TMEM117: variants seen among roughly 807,000 people sequenced by gnomAD.
TMEM117 encodes the protein transmembrane protein 117.
Under a neutral mutation model 52.4 loss-of-function variants are expected in TMEM117, and 27 were observed. That is an observed-to-expected ratio of 0.51 (90% CI 0.38 to 0.71). The LOEUF is 0.71. Ranked by LOEUF, TMEM117 falls within the 30% of genes least tolerant of loss-of-function variation. The pLI is 0.00. For synonymous variants in TMEM117, 215 were observed against 206.3 expected (o/e 1.04, Z -0.36); for missense variants, 556 against 630.5 (o/e 0.88, Z 1.26).
chr12:44,144,135 A>C (rs1221432652), intron 4 of TMEM117, among the ~76,000 whole-genome samples: 1 of 152,190 alleles, frequency 6.6e-6, no homozygotes, highest in Non-Finnish European at 1.5e-5. Flanking sequence ...ATGGTAACTG[A>C]GTTCTGAGTA....
chr12:44,268,208 G>A (rs981574586), intron 5 of TMEM117, among the ~76,000 whole-genome samples: 1 of 151,806 alleles, frequency 6.6e-6, no homozygotes, highest in Non-Finnish European at 1.5e-5. Context: ...CGTGATCTCG[G>A]CTCACTGCAA....
chr12:44,119,034 T>G (rs1349523003), intron 3 of TMEM117, among the ~76,000 whole-genome samples: 2 of 152,228 alleles, frequency 1.3e-5, no homozygotes, highest in Non-Finnish European at 2.9e-5. Context: ...CTGTTAATTT[T>G]TTTTCAGAAG....
intron 3 of TMEM117, among the ~76,000 whole-genome samples, chr12:43,961,569 A>G (rs973937181): frequency 8.5e-5 from 13 of 152,214 alleles, no homozygotes; most frequent in African/African-American, 3.1e-4. Context: ...TTGATTTTCC[A>G]TAAATGAAAA....
At chr12:44,076,411 C>G (rs1206603008) in intron 3 of TMEM117, among the ~76,000 whole-genome samples, 1 of 152,020 alleles carries the variant, frequency 6.6e-6, no homozygotes, top group Non-Finnish European at 1.5e-5. Context: ...TACTTGAACA[C>G]CAAAGGCAAG....
chr12:44,051,368 T>C (rs1294994346), intron 3 of TMEM117, among the ~76,000 whole-genome samples: 1 of 152,180 alleles, frequency 6.6e-6, no homozygotes, highest in Non-Finnish European at 1.5e-5. Context: ...TGAACAACAG[T>C]AGCAAAAACT....
chr12:43,837,492 G>A (rs890816413), intron 1 of TMEM117, among the ~76,000 whole-genome samples: 2 of 151,872 alleles, frequency 1.3e-5, no homozygotes, highest in African/African-American at 2.4e-5. Context: ...GATTACAGGC[G>A]CGCGCCACCA....
At chr12:43,880,285 A>C (rs986367330) in intron 2 of TMEM117, among the ~76,000 whole-genome samples, 7 of 152,152 alleles carry the variant, frequency 4.6e-5, no homozygotes, top group Non-Finnish European at 1.0e-4. Context: ...ACTTTTCATA[A>C]CTACTTGCAC....
intron 3 of TMEM117, among the ~76,000 whole-genome samples, chr12:44,085,106 A>G (rs961355755): frequency 2.6e-5 from 4 of 152,192 alleles, no homozygotes; most frequent in Non-Finnish European, 4.4e-5. Flanking sequence ...GGCATCATCC[A>G]TGTTTTGCTA....
chr12:44,216,005 CTTTTTT>C (rs778425747), intron 5 of TMEM117, among the ~76,000 whole-genome samples: 3 of 110,840 alleles, frequency 2.7e-5, no homozygotes, highest in Admixed American at 9.5e-5. Context: ...TTCTTTCTTT[CTTTTTT>C]TTTTTTTTTT....
chr12:44,345,047 C>T (rs780524274), intron 6 of TMEM117, among the ~76,000 whole-genome samples: 4 of 151,784 alleles, frequency 2.6e-5, no homozygotes, highest in Non-Finnish European at 4.4e-5. Flanking sequence ...TATCTGGGGA[C>T]TGGGAAGAAG....
chr12:43,957,158 G>A (rs904276913), intron 3 of TMEM117, among the ~76,000 whole-genome samples: 1 of 152,116 alleles, frequency 6.6e-6, no homozygotes, highest in East Asian at 1.9e-4. Flanking sequence ...TGTTGGGGAA[G>A]AGTGGGAGTG....
Position 44,068,790 on chromosome 12 carries a change from C to T in TMEM117, c.411-74735C>T, listed in dbSNP as rs115748337. ...AAGTGAGCCCATGCTGTTGGGAAAACAGTGCTGACAGATTGCTTGATTCAG... is the reference window on the plus strand; with the variant it reads ...AAGTGAGCCCATGCTGTTGGGAAAATAGTGCTGACAGATTGCTTGATTCAG... On this transcript the variant is annotated intron_variant, in intron 3 of 7. Coordinates refer to ENST00000266534, the MANE Select transcript of TMEM117 (RefSeq NM_032256.3). Among the ~76,000 whole-genome samples the T allele has an allele frequency of 3.0e-3, 458 of 152,302 alleles. 3 individuals are homozygous for T. Among genetic ancestry groups the T allele is most frequent in the African/African-American group, 0.011 (445 of 41,572 alleles).
chr12:44,139,015 G>A (rs570014227), intron 3 of TMEM117, among the ~76,000 whole-genome samples: 1 of 152,250 alleles, frequency 6.6e-6, no homozygotes, highest in Admixed American at 6.5e-5. Flanking sequence ...TAGTTTTAGT[G>A]TGTTTAATGC....
At chr12:44,072,366 G>C (rs1947315331) in intron 3 of TMEM117, among the ~76,000 whole-genome samples, 1 of 152,158 alleles carries the variant, frequency 6.6e-6, no homozygotes, top group Admixed American at 6.5e-5. Flanking sequence ...GTCACTACAG[G>C]CTTCACATTC....
intron 5 of TMEM117, among the ~76,000 whole-genome samples, chr12:44,285,377 G>A (rs140187182): frequency 1.1e-3 from 165 of 152,224 alleles, no homozygotes; most frequent in African/African-American, 3.7e-3. Context: ...GATCTCAATG[G>A]AGCCACAAAC....
chr12:44,271,217 A>G (rs1950441795), intron 5 of TMEM117, among the ~76,000 whole-genome samples: 1 of 151,988 alleles, frequency 6.6e-6, no homozygotes, highest in African/African-American at 2.4e-5. Context: ...GATGTGTTTG[A>G]AAAGTGAGTA....
intron 4 of TMEM117, among the ~76,000 whole-genome samples, chr12:44,181,380 G>A (rs1277932760): frequency 2.6e-5 from 4 of 152,050 alleles, no homozygotes; most frequent in Non-Finnish European, 5.9e-5. Context: ...TGTCAATTTT[G>A]TCTTCTGTTG....
intron 3 of TMEM117, among the ~76,000 whole-genome samples, chr12:44,097,370 T>C (rs1162700586): frequency 1.3e-5 from 2 of 151,848 alleles, no homozygotes; most frequent in Non-Finnish European, 2.9e-5. Flanking sequence ...ACTGGGTATA[T>C]ACCCAAAGGA....
chr12:44,387,054 C>G (rs577706375), intron 7 of TMEM117, among the ~76,000 whole-genome samples: 1 of 151,806 alleles, frequency 6.6e-6, no homozygotes, highest in East Asian at 1.9e-4. Flanking sequence ...CATACGTCCC[C>G]TAACTTGCTA....
Sources: allele counts gnomAD v4.1 joint callset (sites outside exome capture counted in the v4.1 genomes callset), GRCh38; gene constraint gnomAD v4.1.1; transcripts MANE v1.5; gene names NCBI Gene and HGNC (gene_info 2026-07-23, HGNC 2026-07-21).